Variants in TXNRD3 observed in about 807,000 individuals in gnomAD.
TXNRD3 encodes TXNRD3 neighbor gene protein.
In TXNRD3, 68 loss-of-function variants were observed where a neutral mutation model predicts 78.2. The observed-to-expected ratio is 0.87, with a 90% CI of 0.72 to 1.06. The LOEUF is 1.06. TXNRD3 is among the 50% of genes least tolerant of loss of function. The pLI is 0.00. For synonymous variants in TXNRD3, 296 were observed against 300.1 expected (o/e 0.99, Z 0.14); for missense variants, 751 against 809.5 (o/e 0.93, Z 0.88).
chr3:126,632,722 A>G (rs1938752481), intron 7 of TXNRD3, among the ~76,000 whole-genome samples: 1 of 152,024 alleles, frequency 6.6e-6, no homozygotes, highest in Non-Finnish European at 1.5e-5. Context: ...GAAAAAAACC[A>G]TTCACATGCT....
chr3:126,626,837 T>C (rs545525575), intron 10 of TXNRD3, among the ~76,000 whole-genome samples: 2 of 152,110 alleles, frequency 1.3e-5, no homozygotes, highest in South Asian at 2.1e-4. Flanking sequence ...ATGCCTATAA[T>C]CCCAGCATGT....
chr3:126,620,952 G>A (rs1327772431), intron 12 of TXNRD3, among the ~76,000 whole-genome samples: 2 of 152,008 alleles, frequency 1.3e-5, no homozygotes, highest in African/African-American at 2.4e-5. Flanking sequence ...TCCGTCTCCC[G>A]CCAACTCCAC....
chr3:126,640,206 G>A (rs1423581797), intron 6 of TXNRD3, among the ~76,000 whole-genome samples: 82 of 22,604 alleles, frequency 3.6e-3, no homozygotes, highest in African/African-American at 7.5e-3. Flanking sequence ...CCGGGTTCAC[G>A]CCATTCTCCT....
At chr3:126,614,710 A>G (rs1938274072) in intron 13 of TXNRD3, among the ~76,000 whole-genome samples, 1 of 152,216 alleles carries the variant, frequency 6.6e-6, no homozygotes, top group South Asian at 2.1e-4. Context: ...CTGTGATTTA[A>G]ATACATTCTC....
chr3:126,652,794 A>G (rs1319164989), intron 1 of TXNRD3, among the ~76,000 whole-genome samples: 1 of 152,258 alleles, frequency 6.6e-6, no homozygotes, highest in Non-Finnish European at 1.5e-5. Flanking sequence ...GAAATGGAGT[A>G]AGTGGGTTGG....
chr3:126,620,725 C>T (rs139170238), intron 12 of TXNRD3, among the ~76,000 whole-genome samples: 17 of 152,284 alleles, frequency 1.1e-4, no homozygotes, highest in Non-Finnish European at 2.2e-4. Flanking sequence ...GAAGGCCCTA[C>T]CAATTCTTCT....
intron 12 of TXNRD3, among the ~76,000 whole-genome samples, chr3:126,621,236 A>G (rs1472173192): frequency 6.6e-6 from 1 of 152,228 alleles, no homozygotes; most frequent in Non-Finnish European, 1.5e-5. Context: ...CGATGATGAA[A>G]TTAAGAAGAT....
chr3:126,627,127 T>G (rs1279399592), intron 10 of TXNRD3, among the ~76,000 whole-genome samples: 2 of 152,120 alleles, frequency 1.3e-5, no homozygotes, highest in Admixed American at 1.3e-4. Context: ...ACAAAGAATC[T>G]TCACAGCAGT....
intron 14 of TXNRD3, 50 bp from the exon 15 acceptor site, chr3:126,608,683 A>C: frequency 1.3e-6 from 2 of 1,500,188 alleles, no homozygotes; most frequent in Non-Finnish European, 1.8e-6. Context: ...TAATGGTCTG[A>C]ATATGGATCC....
At chr3:126,640,693 C>A (rs1001999564) in intron 6 of TXNRD3, among the ~76,000 whole-genome samples, 4 of 152,148 alleles carry the variant, frequency 2.6e-5, no homozygotes. Context: ...ATCCAACTGG[C>A]CACCATATCT....
Position 126,631,875 on chromosome 3 carries a change from G to T in TXNRD3, c.860C>A (p.Thr287Asn), listed in dbSNP as rs1938723644. The change falls in exon 8 of 16, where the codon ACC (threonine) becomes AAC (asparagine). Residue 287 changes from threonine (T) to asparagine (N), a missense_variant. Physicochemically the swap from Thr to Asn is moderately conservative, Grantham distance 65. Coordinates refer to ENST00000524230, the MANE Select transcript of TXNRD3 (RefSeq NM_052883.3). ...ATAAGTCTCCTGTCCTTTTTTATTGGTTGCCTTGAAAAAAGAGAAGTAAAC... is the reference window on the plus strand; with the variant it reads ...ATAAGTCTCCTGTCCTTTTTTATTGTTTGCCTTGAAAAAAGAGAAGTAAAC... 6.5e-7 allele frequency: 1 copy of T among 1,534,714 alleles called. No homozygotes were observed. The highest frequency in any genetic ancestry group is 2.0e-5 in the Admixed American group (1 of 50,894).
In TXNRD3 at chr3:126,631,834, A is replaced by C; in HGVS notation, c.901T>G (p.Phe301Val). 6.5e-7 allele frequency: 1 copy of C among 1,536,022 alleles called. No individual in the cohort carries two copies. Among genetic ancestry groups the C allele is most frequent in the Non-Finnish European group, 8.7e-7 (1 of 1,146,808 alleles). Residue 301 changes from phenylalanine to valine, a missense_variant, in exon 8 of 16, where the codon TTT becomes GTT. Phe to Val is a conservative substitution (Grantham distance 50, BLOSUM62 -1). Transcript: ENST00000524230. Reference sequence around the variant, plus strand: ...GGCCTTTCACCCGTTGCTATGACAAACTGTGCAGCAGTATAATAAGTCTCC... The same window carrying C: ...GGCCTTTCACCCGTTGCTATGACAACCTGTGCAGCAGTATAATAAGTCTCC...
intron 1 of TXNRD3, among the ~76,000 whole-genome samples, chr3:126,653,923 C>T (rs1278782439): frequency 6.6e-6 from 1 of 151,472 alleles, no homozygotes; most frequent in Non-Finnish European, 1.5e-5. Context: ...AAGAAAACTG[C>T]AGAAGAATAC....
intron 12 of TXNRD3, among the ~76,000 whole-genome samples, chr3:126,618,671 G>A (rs1378481935): frequency 6.6e-6 from 1 of 151,940 alleles, no homozygotes; most frequent in East Asian, 1.9e-4. Flanking sequence ...TTATAGGTAA[G>A]ACCTCAAAAA....
At chr3:126,644,575 C>T (rs1296305547) in intron 3 of TXNRD3, among the ~76,000 whole-genome samples, 174 bp from the exon 4 acceptor site, 1 of 152,122 alleles carries the variant, frequency 6.6e-6, no homozygotes, top group Admixed American at 6.5e-5. Flanking sequence ...AAACAGGGTC[C>T]AACTAGTTAG....
intron 7 of TXNRD3, among the ~76,000 whole-genome samples, chr3:126,632,650 ACT>A (rs1938748600): frequency 6.8e-6 from 1 of 147,916 alleles, no homozygotes; most frequent in Non-Finnish European, 1.5e-5. Context: ...ACAGAGCAAG[ACT>A]CTGTCTCAAA....
chr3:126,651,605 C>A (rs927899630), intron 1 of TXNRD3, among the ~76,000 whole-genome samples: 1 of 152,162 alleles, frequency 6.6e-6, no homozygotes, highest in Admixed American at 6.5e-5. Context: ...GTTCTGATCT[C>A]TTGGTGTTTA....
At chr3:126,643,944 A>G (rs1933156402) in intron 5 of TXNRD3, 37 bp downstream of exon 5, 2 of 1,508,890 alleles carry the variant, frequency 1.3e-6, no homozygotes, top group South Asian at 2.4e-5. Context: ...CAACATATGT[A>G]AAGAGCAGAG....
chr3:126,637,932 C>CTCT lies in TXNRD3; in HGVS notation c.713-3882_713-3881insAGA, dbSNP rs1444254294. ...CTTATTTTAACCTATATTTCTCTCT[C>CTCT]TTTTTTTTTTTTTTTTTTTTTTTTT... On this transcript the variant is annotated intron_variant, in intron 6 of 15. Transcript: ENST00000524230. 2.3e-3 allele frequency among the ~76,000 whole-genome samples: 139 copies of CTCT among 60,302 alleles called. 3 individuals carry two copies. Among genetic ancestry groups the CTCT allele is most frequent in the Non-Finnish European group, 3.3e-3 (115 of 35,238 alleles). The allele number at this position is 60,302 out of a possible 152,430, so 39.6% of individuals were successfully genotyped here.
Sources: gnomAD v4.1 joint callset for allele counts (sites outside exome capture counted in the v4.1 genomes callset) on GRCh38, gnomAD v4.1.1 for gene constraint, MANE v1.5 for transcripts, NCBI Gene and HGNC (gene_info 2026-07-23, HGNC 2026-07-21) for gene names.